Variants in PACRG observed in about 807,000 individuals in gnomAD.
The protein encoded by PACRG is parkin coregulated.
In PACRG, 29 loss-of-function variants were observed where a neutral mutation model predicts 29.7. The ratio of observed to expected loss-of-function variants is 0.98; its 90% CI spans 0.73 to 1.33. The LOEUF is 1.33. Ranked by LOEUF, PACRG falls within the 40% of genes most tolerant of loss-of-function variation. The pLI is 0.00. For synonymous variants in PACRG, 116 were observed against 118.7 expected (o/e 0.98, Z 0.15); for missense variants, 279 against 316.2 (o/e 0.88, Z 0.89).
At chr6:162,841,273 T>G (rs1789727749) in intron 2 of PACRG, among the ~76,000 whole-genome samples, 1 of 144,214 alleles carries the variant, frequency 6.9e-6, no homozygotes, top group Admixed American at 7.0e-5. Flanking sequence ...CAATTTCAGC[T>G]CCTGTTATTG....
At chr6:163,138,165 A>G (rs1371174873) in intron 4 of PACRG, among the ~76,000 whole-genome samples, 1 of 152,240 alleles carries the variant, frequency 6.6e-6, no homozygotes, top group Non-Finnish European at 1.5e-5. Flanking sequence ...ATGTTTTTAT[A>G]ATTACACATT....
chr6:162,938,012 A>C (rs148462153), intron 2 of PACRG, among the ~76,000 whole-genome samples: 250 of 152,208 alleles, frequency 1.6e-3, no homozygotes, highest in African/African-American at 5.6e-3. Flanking sequence ...AGTAGTATAC[A>C]TTGCACACAG....
intron 2 of PACRG, among the ~76,000 whole-genome samples, chr6:162,975,760 TCCTTCTTCTCTCCCTC>T (rs1445603448): frequency 8.8e-6 from 1 of 113,078 alleles, no homozygotes; most frequent in African/African-American, 3.0e-5. Context: ...CTTTAGCAGG[TCCTTCTTCTCTCCCTC>T]CCTTCTTCTC....
At chr6:163,249,335 A>T (rs1782815547) in intron 4 of PACRG, among the ~76,000 whole-genome samples, 1 of 151,982 alleles carries the variant, frequency 6.6e-6, no homozygotes, top group Non-Finnish European at 1.5e-5. Flanking sequence ...CAAACATAGA[A>T]ATTGTCCATT....
chr6:162,805,220 C>G (rs1252935639), intron 1 of PACRG, among the ~76,000 whole-genome samples: 1 of 152,050 alleles, frequency 6.6e-6, no homozygotes, highest in Non-Finnish European at 1.5e-5. Flanking sequence ...AGTTTCAGAC[C>G]ACTGCAATGA....
At chr6:162,813,282 A>G (rs1787041418) in intron 1 of PACRG, among the ~76,000 whole-genome samples, 1 of 152,062 alleles carries the variant, frequency 6.6e-6, no homozygotes, top group Non-Finnish European at 1.5e-5. Flanking sequence ...GCTAATATAT[A>G]AAATGACTAG....
At chr6:162,843,456 T>C (rs1790001997) in intron 2 of PACRG, among the ~76,000 whole-genome samples, 1 of 135,726 alleles carries the variant, frequency 7.4e-6, no homozygotes, top group Non-Finnish European at 1.6e-5. Flanking sequence ...CATCAGCTCC[T>C]TTAAGCACTT....
chr6:162,731,456 A>G (rs1488855104), intron 1 of PACRG, among the ~76,000 whole-genome samples: 6 of 152,056 alleles, frequency 3.9e-5, no homozygotes, highest in Admixed American at 1.3e-4. Flanking sequence ...TGGAGCATTT[A>G]TATTGTTTTA....
chr6:163,134,773 T>C (rs989541718), intron 4 of PACRG, among the ~76,000 whole-genome samples: 3 of 152,334 alleles, frequency 2.0e-5, no homozygotes, highest in African/African-American at 7.2e-5. Flanking sequence ...TATATGTTTT[T>C]AAATATTTCA....
At chr6:163,215,307 T>C (rs188583436) in intron 4 of PACRG, among the ~76,000 whole-genome samples, 14 of 152,366 alleles carry the variant, frequency 9.2e-5, no homozygotes. Context: ...TAGAGAAATA[T>C]CATTCCATGG....
chr6:162,849,087 C>A (rs900332663), intron 2 of PACRG, among the ~76,000 whole-genome samples: 68 of 152,140 alleles, frequency 4.5e-4, no homozygotes, highest in African/African-American at 1.6e-3. Flanking sequence ...GGGTTTCAGG[C>A]AAGAGAAACA....
At chr6:162,758,983 G>A (rs1782144910) in intron 1 of PACRG, among the ~76,000 whole-genome samples, 1 of 152,112 alleles carries the variant, frequency 6.6e-6, no homozygotes, top group South Asian at 2.1e-4. Flanking sequence ...TCTTCATATT[G>A]TAGTGTTTAA....
At chr6:163,185,267 C>T (rs1330858482) in intron 4 of PACRG, among the ~76,000 whole-genome samples, 1 of 151,682 alleles carries the variant, frequency 6.6e-6, no homozygotes, top group Non-Finnish European at 1.5e-5. Context: ...AACAATTGGC[C>T]AAAACAAGCC....
chr6:163,071,887 A>G (rs1395275893), intron 3 of PACRG, among the ~76,000 whole-genome samples: 1 of 151,690 alleles, frequency 6.6e-6, no homozygotes, highest in African/African-American at 2.4e-5. Flanking sequence ...ATCATAAAGA[A>G]ATCCAAAACC....
chr6:162,959,065 C>A (rs1231992930), intron 2 of PACRG, among the ~76,000 whole-genome samples: 1 of 148,454 alleles, frequency 6.7e-6, no homozygotes, highest in African/African-American at 2.5e-5. Flanking sequence ...AGGTGCACGA[C>A]ACCATGCCTG....
chr6:162,986,349 G>C (rs149464026), intron 2 of PACRG, among the ~76,000 whole-genome samples: 2,139 of 152,114 alleles, frequency 0.014, 50 homozygotes, highest in African/African-American at 0.049. Flanking sequence ...GCATTGTACT[G>C]GTATAAAAAA....
At chr6:163,027,325 C>G (rs1174525218) in intron 2 of PACRG, among the ~76,000 whole-genome samples, 1 of 152,056 alleles carries the variant, frequency 6.6e-6, no homozygotes, top group East Asian at 1.9e-4. Context: ...CTGAGCAGAT[C>G]TAATTTCTGT....
At chr6:163,220,265 C>T (rs982834729) in intron 4 of PACRG, among the ~76,000 whole-genome samples, 3 of 152,120 alleles carry the variant, frequency 2.0e-5, no homozygotes, top group Admixed American at 2.0e-4. Context: ...AGTAATTATG[C>T]TCATGCTCAC....
intron 2 of PACRG, among the ~76,000 whole-genome samples, chr6:162,863,078 AG>A (rs1791997064): frequency 6.6e-6 from 1 of 152,218 alleles, no homozygotes; most frequent in African/African-American, 2.4e-5. Context: ...GAGTGGAAAA[AG>A]CCTGGGCTGG....
Sources: allele counts gnomAD v4.1 joint callset (sites outside exome capture counted in the v4.1 genomes callset), GRCh38; gene constraint gnomAD v4.1.1; transcripts MANE v1.5; gene names NCBI Gene and HGNC (gene_info 2026-07-23, HGNC 2026-07-21).